CHRM3: variants seen among roughly 807,000 people sequenced by gnomAD.
CHRM3 encodes cholinergic receptor muscarinic 3.
A neutral mutation model predicts 41.8 loss-of-function variants in CHRM3; 11 were observed. That is an observed-to-expected ratio of 0.26 (90% CI 0.17 to 0.44). The LOEUF (loss-of-function observed/expected upper bound fraction) is 0.44. CHRM3 is among the 20% of genes least tolerant of loss of function. CHRM3 has a pLI of 1.00. For synonymous variants in CHRM3, 297 were observed against 301.4 expected (o/e 0.99, Z 0.15); for missense variants, 571 against 745.4 (o/e 0.77, Z 2.72).
intron 4 of CHRM3, among the ~76,000 whole-genome samples, chr1:239,650,978 A>G (rs1027509495): frequency 3.3e-5 from 5 of 152,236 alleles, no homozygotes; most frequent in African/African-American, 1.2e-4. Flanking sequence ...ATTTGTAAGT[A>G]TACATATATG....
chr1:239,823,776 G>A (rs1178414364), intron 5 of CHRM3, among the ~76,000 whole-genome samples: 1 of 151,992 alleles, frequency 6.6e-6, no homozygotes, highest in Non-Finnish European at 1.5e-5. Flanking sequence ...CTTTTGTGGT[G>A]TCTTTTTTAA....
intron 2 of CHRM3, among the ~76,000 whole-genome samples, chr1:239,534,042 T>C (rs1034601709): frequency 1.3e-5 from 2 of 152,158 alleles, no homozygotes; most frequent in Non-Finnish European, 2.9e-5. Context: ...AATGCTCGTT[T>C]TAGGGCTGGG....
chr1:239,665,684 C>T lies in CHRM3; in HGVS notation c.-249-12502C>T, dbSNP rs571662726. Among the ~76,000 whole-genome samples the T allele has an allele frequency of 1.2e-4, 18 of 152,174 alleles. No individual in the cohort carries two copies. In the South Asian group the frequency reaches 2.5e-3, roughly 21 times the overall value. Reference sequence around the variant, plus strand: ...GTCTCTCCACTAGCCCCTTGCCCCCCGACTGGCCCCAGTGTGTGATGTTCC... The same window carrying T: ...GTCTCTCCACTAGCCCCTTGCCCCCTGACTGGCCCCAGTGTGTGATGTTCC... On this transcript the variant is annotated intron_variant, in intron 4 of 6. Coordinates refer to ENST00000676153, the MANE Select transcript of CHRM3 (RefSeq NM_001375978.1).
chr1:239,801,336 A>G (rs895795720), intron 5 of CHRM3, among the ~76,000 whole-genome samples: 1 of 152,222 alleles, frequency 6.6e-6, no homozygotes, highest in African/African-American at 2.4e-5. Context: ...AGGTACAGCC[A>G]GGGCTAGGAC....
At chr1:239,618,680 T>TA (rs1407598720) in intron 3 of CHRM3, among the ~76,000 whole-genome samples, 1 of 150,614 alleles carries the variant, frequency 6.6e-6, no homozygotes, top group Non-Finnish European at 1.5e-5. Context: ...CCGTCTCTAC[T>TA]AAAAATACAA....
At chr1:239,426,569 G>A (rs1236305031) in intron 1 of CHRM3, among the ~76,000 whole-genome samples, 1 of 151,890 alleles carries the variant, frequency 6.6e-6, no homozygotes, top group Admixed American at 6.6e-5. Context: ...GTGAGCATAT[G>A]TGTGTGCAGG....
chr1:239,694,383 A>G (rs1250224209), intron 5 of CHRM3, among the ~76,000 whole-genome samples: 1 of 152,230 alleles, frequency 6.6e-6, no homozygotes, highest in Non-Finnish European at 1.5e-5. Flanking sequence ...TTTCAGGCAT[A>G]TGATTATGCC....
chr1:239,522,118 T>C (rs189237739), intron 2 of CHRM3, among the ~76,000 whole-genome samples: 2 of 152,336 alleles, frequency 1.3e-5, no homozygotes, highest in Admixed American at 1.3e-4. Flanking sequence ...TCTCATCTGT[T>C]GAATGTAGGC....
At chr1:239,640,292 G>A (rs1417826845) in intron 4 of CHRM3, among the ~76,000 whole-genome samples, 2 of 152,142 alleles carry the variant, frequency 1.3e-5, no homozygotes, top group Non-Finnish European at 2.9e-5. Flanking sequence ...AATGAGTTAG[G>A]GAGGATTCTC....
chr1:239,706,928 CA>C (rs1291342964), intron 5 of CHRM3: 2 of 152,316 alleles, frequency 1.3e-5, no homozygotes, highest in East Asian at 3.9e-4. Flanking sequence ...GATTTATCAT[CA>C]TAAATAGTTT....
chr1:239,848,730 A>G (rs12089697), intron 6 of CHRM3, among the ~76,000 whole-genome samples: 3,952 of 152,164 alleles, frequency 0.026, 175 homozygotes, highest in African/African-American at 0.089. Flanking sequence ...ACCTATTTGA[A>G]CTCATTTCTG....
intron 3 of CHRM3, among the ~76,000 whole-genome samples, chr1:239,607,001 C>T (rs998706224): frequency 1.3e-5 from 2 of 152,076 alleles, no homozygotes; most frequent in Non-Finnish European, 1.5e-5. Flanking sequence ...CCTTCAATGC[C>T]CTCTTACTGC....
At chr1:239,837,853 C>T (rs974177566) in intron 6 of CHRM3, among the ~76,000 whole-genome samples, 7 of 152,106 alleles carry the variant, frequency 4.6e-5, no homozygotes, top group Non-Finnish European at 8.8e-5. Flanking sequence ...AGTTTTTATT[C>T]GGTGCAGCAT....
intron 6 of CHRM3, among the ~76,000 whole-genome samples, chr1:239,857,654 C>A (rs1175921878): frequency 1.3e-5 from 2 of 152,100 alleles, no homozygotes; most frequent in Middle Eastern, 3.2e-3. Flanking sequence ...TTTAGCGATG[C>A]CAGAGGCTCT....
intron 5 of CHRM3, among the ~76,000 whole-genome samples, chr1:239,780,589 G>A (rs947072273): frequency 1.3e-5 from 2 of 152,084 alleles, no homozygotes; most frequent in Non-Finnish European, 2.9e-5. Flanking sequence ...TCATGACAGT[G>A]TCTCTCACAG....
chr1:239,720,857 A>C (rs1038985192), intron 5 of CHRM3, among the ~76,000 whole-genome samples: 4 of 151,904 alleles, frequency 2.6e-5, no homozygotes, highest in Non-Finnish European at 5.9e-5. Flanking sequence ...TCTTTATTTA[A>C]ATATGCTTTA....
intron 5 of CHRM3, among the ~76,000 whole-genome samples, chr1:239,822,277 G>A (rs771572285): frequency 2.5e-4 from 38 of 152,296 alleles, no homozygotes; most frequent in Non-Finnish European, 1.0e-4. Flanking sequence ...AATGGTACCC[G>A]TAACTTGGTT....
intron 5 of CHRM3, among the ~76,000 whole-genome samples, chr1:239,768,631 TAAA>T (rs991699971): frequency 6.6e-6 from 1 of 152,226 alleles, no homozygotes; most frequent in Non-Finnish European, 1.5e-5. Flanking sequence ...GTTCCTTTAT[TAAA>T]ATCCTTAGAC....
At chr1:239,508,931 T>G (rs1259891358) in intron 2 of CHRM3, among the ~76,000 whole-genome samples, 1 of 152,210 alleles carries the variant, frequency 6.6e-6, no homozygotes. Flanking sequence ...TTGTAAGCAG[T>G]AGGGAAGACT....
Sources: allele counts gnomAD v4.1 joint callset (sites outside exome capture counted in the v4.1 genomes callset), GRCh38; gene constraint gnomAD v4.1.1; transcripts MANE v1.5; gene names NCBI Gene and HGNC (gene_info 2026-07-23, HGNC 2026-07-21).